Variants in CBL observed in about 807,000 individuals in gnomAD.
CBL encodes the protein Cbl proto-oncogene.
Under a neutral mutation model 96.9 loss-of-function variants are expected in CBL, and 45 were observed. That is an observed-to-expected ratio of 0.46 (90% CI 0.37 to 0.60). The LOEUF is 0.60. Among genes scored for constraint, CBL ranks in the 20% least tolerant of loss-of-function variants. The pLI, the probability that CBL is intolerant of heterozygous loss-of-function variation, is 0.00. For synonymous variants in CBL, 420 were observed against 426.8 expected (o/e 0.98, Z 0.20); for missense variants, 1,024 against 1,143.5 (o/e 0.90, Z 1.51).
intron 5 of CBL, among the ~76,000 whole-genome samples, chr11:119,275,409 G>A (rs1244611046): frequency 2.0e-5 from 3 of 152,104 alleles, no homozygotes; most frequent in Non-Finnish European, 4.4e-5. Flanking sequence ...TTGCACTCTA[G>A]CCTGGGCAAT....
chr11:119,290,660 T>G (rs983444497), intron 12 of CBL, among the ~76,000 whole-genome samples: 1 of 149,254 alleles, frequency 6.7e-6, no homozygotes, highest in African/African-American at 2.5e-5. Context: ...ACAGCATCTA[T>G]TTTTGTTTTG....
At chr11:119,241,949 G>A (rs1370692826) in intron 2 of CBL, among the ~76,000 whole-genome samples, 1 of 152,196 alleles carries the variant, frequency 6.6e-6, no homozygotes, top group Non-Finnish European at 1.5e-5. Flanking sequence ...TGGATAGATA[G>A]TGCAATGGGA....
At chr11:119,258,281 A>G (rs984831776) in intron 2 of CBL, among the ~76,000 whole-genome samples, 3 of 152,128 alleles carry the variant, frequency 2.0e-5, no homozygotes, top group African/African-American at 7.2e-5. Context: ...ATTTTTAAAG[A>G]AAGAGATTTA....
intron 2 of CBL, among the ~76,000 whole-genome samples, chr11:119,257,013 G>A (rs959326329): frequency 2.0e-5 from 3 of 152,178 alleles, no homozygotes; most frequent in Non-Finnish European, 4.4e-5. Context: ...TTACAGTTGT[G>A]CATTGTGCTG....
At chr11:119,232,781 A>G (rs979930840) in intron 2 of CBL, 86 bp downstream of exon 2, 13 of 1,297,910 alleles carry the variant, frequency 1.0e-5, no homozygotes, top group Non-Finnish European at 1.4e-5. Flanking sequence ...GTTGGTTTTA[A>G]TTTTATGTTA....
chr11:119,238,030 C>A (rs1949558282), intron 2 of CBL, among the ~76,000 whole-genome samples: 2 of 151,574 alleles, frequency 1.3e-5, no homozygotes, highest in East Asian at 2.0e-4. Context: ...CACCAACAAT[C>A]CCAGCTAATT....
chr11:119,206,780 G>A (rs1949273087), intron 1 of CBL, among the ~76,000 whole-genome samples, 168 bp downstream of exon 1: 1 of 151,570 alleles, frequency 6.6e-6, no homozygotes. Flanking sequence ...GACGAGGCCG[G>A]GAGGGTGGGG....
intron 1 of CBL, among the ~76,000 whole-genome samples, chr11:119,222,178 T>A (rs375291994): frequency 2.7e-5 from 4 of 150,638 alleles, no homozygotes; most frequent in African/African-American, 4.9e-5. Context: ...GATAAAAATA[T>A]TTATTTTAGT....
chr11:119,277,922 T>G, intron 7 of CBL, 78 bp downstream of exon 7: 1 of 1,062,712 alleles, frequency 9.4e-7, no homozygotes, highest in Non-Finnish European at 1.5e-6. Context: ...ACAGCATAAT[T>G]GAATTCATTG....
At chr11:119,289,650 G>A (rs1950010908) in intron 12 of CBL, 1 of 151,174 alleles carries the variant, frequency 6.6e-6, no homozygotes, top group African/African-American at 2.4e-5. Context: ...CGTTCCAGTT[G>A]TAGTGTATGA....
Position 119,298,414 on chromosome 11 carries a change from G to A in CBL, c.2308G>A (p.Glu770Lys), listed in dbSNP as rs749595774. ...ANTGPEESEN[E>K]DDGYDVPKPP... ...CACTGGTCCCGAGGAGTCAGAAAAT[G>A]AGGATGATGGGTATGATGTCCCAAA... Residue 770 changes from glutamate (E) to lysine (K), a missense_variant, in exon 15 of 16, where the codon GAG becomes AAG. By Grantham distance (56) the Glu-to-Lys change is moderately conservative. Around this residue, in one of 4 missense-constraint regions of CBL, gnomAD observed 695 missense variants for 661.6 expected, o/e 1.05. Coordinates refer to ENST00000264033, the MANE Select transcript of CBL (RefSeq NM_005188.4). 1.2e-6 allele frequency: 2 copies of A among 1,614,080 alleles called. No homozygotes were observed. The highest frequency in any genetic ancestry group is 1.7e-6 in the Non-Finnish European group (2 of 1,180,030).
intron 2 of CBL, among the ~76,000 whole-genome samples, chr11:119,260,232 T>C (rs12284107): frequency 1.3e-5 from 2 of 151,924 alleles, no homozygotes; most frequent in Non-Finnish European, 2.9e-5. Flanking sequence ...TCTTTTTTTT[T>C]TTTTCTTTTT....
At chr11:119,285,590 C>T (rs781718122) in intron 11 of CBL, 24 bp downstream of exon 11, 17 of 1,611,464 alleles carry the variant, frequency 1.1e-5, no homozygotes, top group Non-Finnish European at 1.4e-5. Flanking sequence ...TTGAAACTAT[C>T]TAACCTGTTA....
At chr11:119,219,691 T>A (rs1330157289) in intron 1 of CBL, among the ~76,000 whole-genome samples, 1 of 151,732 alleles carries the variant, frequency 6.6e-6, no homozygotes, top group South Asian at 2.1e-4. Flanking sequence ...CTTTTTTTTT[T>A]TTTTTATTTT....
At position 119,270,436 on chromosome 11, in the gene CBL, A is replaced by ATT. The variant is rs869150071; in HGVS notation, c.444-1272_444-1271dup. On this transcript the variant is annotated intron_variant, in intron 2 of 15. Transcript: ENST00000264033. ...AATTTTTATATATATATATATATAT[A>ATT]TTTTTTTTTTTTTTTTTTTTTTTTT... Among the ~76,000 whole-genome samples, 244 of 38,654 alleles carry ATT rather than the reference A, an allele frequency of 6.3e-3. 7 individuals are homozygous for ATT. Among genetic ancestry groups the ATT allele is most frequent in the Middle Eastern group, 0.025 (1 of 40 alleles). The allele number at this position is 38,654 out of a possible 152,430, so 25.4% of individuals were successfully genotyped here. A position where few individuals can be genotyped will look rare whatever the true frequency, so the allele number is the denominator to read the frequency against.
chr11:119,264,654 GT>G (rs901560971), intron 2 of CBL, among the ~76,000 whole-genome samples: 2 of 148,706 alleles, frequency 1.3e-5, no homozygotes, highest in Admixed American at 1.3e-4. Context: ...GCTGATTTTT[GT>G]TTTTTTTGTA....
intron 1 of CBL, among the ~76,000 whole-genome samples, chr11:119,231,102 T>G (rs1023161824): frequency 2.0e-5 from 3 of 152,176 alleles, no homozygotes; most frequent in Non-Finnish European, 2.9e-5. Context: ...CTCAAGCGGT[T>G]GTTAAAACTC....
Position 119,300,147 on chromosome 11 carries a change from T to G in CBL, c.*366T>G, listed in dbSNP as rs201620560. 102 of 432,368 alleles carry G rather than the reference T, an allele frequency of 2.4e-4. No homozygotes were observed. Among genetic ancestry groups the G allele is most frequent in the Non-Finnish European group, 2.9e-4 (70 of 241,566 alleles). 26.8% of individuals were successfully genotyped at this position (432,368 alleles called of 1,614,324 possible). ...TTCCTGGGTTAAGGATGTGGCCGTG[T>G]GTGTGTGTGTCTGCCTGTGGTTGTA... On this transcript the variant is annotated 3_prime_UTR_variant, in exon 16 of 16. Coordinates refer to ENST00000264033, the MANE Select transcript of CBL (RefSeq NM_005188.4).
intron 2 of CBL, among the ~76,000 whole-genome samples, chr11:119,249,445 G>T (rs1592385678): frequency 6.6e-6 from 1 of 151,358 alleles, no homozygotes. Flanking sequence ...ATCCCAGCTA[G>T]TTGGGAGGCT....
Sources: allele counts gnomAD v4.1 joint callset (sites outside exome capture counted in the v4.1 genomes callset), GRCh38; gene constraint gnomAD v4.1.1; regional missense constraint gnomAD v4.1.1; transcripts MANE v1.5; gene names NCBI Gene and HGNC (gene_info 2026-07-23, HGNC 2026-07-21).